The following PLBD1 variants were observed in gnomAD, a reference collection of about 807,000 sequenced individuals.
The protein encoded by PLBD1 is lysosomal leucine aminopeptidase.
PLBD1 carries 60 observed loss-of-function variants against 63.0 expected under a neutral mutation model. That is an observed-to-expected ratio of 0.95 (90% confidence interval 0.77 to 1.18). The LOEUF (loss-of-function observed/expected upper bound fraction) is 1.18. Among genes scored for constraint, PLBD1 ranks in the 50% most tolerant of loss-of-function variants. The pLI is 0.00. For synonymous variants in PLBD1, 262 were observed against 248.0 expected (o/e 1.06, Z -0.53); for missense variants, 598 against 677.9 (o/e 0.88, Z 1.31).
In PLBD1 at chr12:14,507,141, T is replaced by TA. The variant is rs749597913; in HGVS notation, c.1187-24dup. ...ATCCTGATTTGGAATGGAAGGGAAG[T>TA]AAGGGAGGGATTGACAGGGAAGGAG... On this transcript the variant is annotated intron_variant, in intron 8 of 10. Coordinates refer to ENST00000240617, the MANE Select transcript of PLBD1 (RefSeq NM_024829.6). 5 of 1,538,244 alleles carry TA rather than the reference T, an allele frequency of 3.3e-6. No individual in the cohort carries two copies. In the East Asian group the frequency reaches 1.1e-4, roughly 35 times the overall value.
chr12:14,541,631 A>G (rs546338130), intron 3 of PLBD1, among the ~76,000 whole-genome samples: 5 of 152,212 alleles, frequency 3.3e-5, no homozygotes, highest in African/African-American at 4.8e-5. Flanking sequence ...GACTTTAAGC[A>G]TTTCATGAAG....
intron 6 of PLBD1, among the ~76,000 whole-genome samples, chr12:14,526,989 GA>G (rs1945421471): frequency 6.6e-6 from 1 of 151,948 alleles, no homozygotes; most frequent in Non-Finnish European, 1.5e-5. Context: ...AAAGAAAAAA[GA>G]AAAACACCCA....
chr12:14,542,471 A>G lies in PLBD1; in HGVS notation c.336-180T>C, dbSNP rs569319258. 6.6e-5 allele frequency among the ~76,000 whole-genome samples: 10 copies of G among 152,316 alleles called. No individual in the cohort carries two copies. The South Asian group carries it at 2.1e-3, about 32-fold the overall frequency. ...TGGGAAATATTTACAACATATAGAA[A>G]AGGATAGAATATTGAAAACACCCCA... On this transcript the variant is annotated intron_variant, in intron 2 of 10. Coordinates refer to ENST00000240617, the MANE Select transcript of PLBD1 (RefSeq NM_024829.6).
At chr12:14,536,494 T>C in intron 5 of PLBD1, 76 bp downstream of exon 5, 1 of 1,495,370 alleles carries the variant, frequency 6.7e-7, no homozygotes, top group Non-Finnish European at 9.2e-7. Flanking sequence ...GGTGATGAGA[T>C]GTTGCTATAC....
chr12:14,566,253 C>T (rs891774364), intron 1 of PLBD1, among the ~76,000 whole-genome samples: 3 of 152,120 alleles, frequency 2.0e-5, no homozygotes, highest in Non-Finnish European at 2.9e-5. Flanking sequence ...CACAGAAAAT[C>T]ACGAGTCAGG....
chr12:14,545,550 A>G (rs960839317), intron 2 of PLBD1, among the ~76,000 whole-genome samples: 5 of 152,216 alleles, frequency 3.3e-5, no homozygotes, highest in Non-Finnish European at 7.3e-5. Flanking sequence ...TCTGGACTGA[A>G]TATTTACCTA....
intron 1 of PLBD1, among the ~76,000 whole-genome samples, chr12:14,564,311 A>G (rs919226438): frequency 5.3e-5 from 8 of 152,244 alleles, no homozygotes; most frequent in Non-Finnish European, 1.0e-4. Flanking sequence ...ATGTTCCAGG[A>G]TATTAAACTT....
chr12:14,536,740 T>A, intron 4 of PLBD1, 30 bp from the exon 5 acceptor site: 1 of 1,607,514 alleles, frequency 6.2e-7, no homozygotes, highest in East Asian at 2.2e-5. Flanking sequence ...GCACTTAACA[T>A]CGTTTTGTGA....
intron 1 of PLBD1, chr12:14,554,224 T>A (rs1413713344): frequency 6.6e-6 from 1 of 152,288 alleles, no homozygotes; most frequent in Admixed American, 6.6e-5. Context: ...ATCACGCCCA[T>A]CTCTCCATTC....
intron 8 of PLBD1, among the ~76,000 whole-genome samples, chr12:14,508,665 G>A (rs1242299667): frequency 6.6e-6 from 1 of 152,144 alleles, no homozygotes; most frequent in East Asian, 1.9e-4. Context: ...AGCTACTCGG[G>A]AGGCTGAGGC....
chr12:14,524,661 A>G (rs558108689), intron 6 of PLBD1, among the ~76,000 whole-genome samples: 9 of 152,202 alleles, frequency 5.9e-5, no homozygotes, highest in Non-Finnish European at 1.2e-4. Context: ...ATGTATATAC[A>G]TTGTGTAATG....
chr12:14,512,258 T>TAGAA (rs1945304106), intron 6 of PLBD1, among the ~76,000 whole-genome samples: 1 of 151,906 alleles, frequency 6.6e-6, no homozygotes, highest in Non-Finnish European at 1.5e-5. Context: ...AAGCAATTCT[T>TAGAA]GTGCCTCAGC....
chr12:14,507,997 C>T (rs1178500024), intron 8 of PLBD1, among the ~76,000 whole-genome samples: 3 of 152,168 alleles, frequency 2.0e-5, no homozygotes, highest in Admixed American at 1.3e-4. Flanking sequence ...CTGCCTTTCT[C>T]CTTTGTATTG....
intron 2 of PLBD1, among the ~76,000 whole-genome samples, chr12:14,544,144 T>C (rs953661818): frequency 1.3e-5 from 2 of 152,074 alleles, no homozygotes; most frequent in African/African-American, 4.8e-5. Flanking sequence ...TGCTGCATTA[T>C]AGCAATTTAA....
chr12:14,567,672 G>A lies in PLBD1; in HGVS notation c.25C>T (p.Arg9Cys), dbSNP rs1444315772. MTRGGPGG[R>C]PGLPQPPPLL... The stretch of plus-strand genomic sequence containing the variant: ...GGTGGCGGCTGTGGCAGCCCCGGGC[G>A]CCCGCCCGGACCGCCGCGGGTCATC... Residue 9 changes from arginine to cysteine, a missense_variant, in exon 1 of 11, where the codon CGC (arginine) becomes TGC (cysteine). Physicochemically the swap from Arg to Cys is radical, Grantham distance 180. Coordinates refer to ENST00000240617, the MANE Select transcript of PLBD1 (RefSeq NM_024829.6). 22 of 1,476,708 alleles carry A rather than the reference G, an allele frequency of 1.5e-5. No homozygotes were observed. Among genetic ancestry groups the A allele is most frequent in the Non-Finnish European group, 1.9e-5 (21 of 1,124,236 alleles). 91.5% of individuals were successfully genotyped at this position (1,476,708 alleles called of 1,614,324 possible). A position where few individuals can be genotyped will look rare whatever the true frequency, so the allele number is the denominator to read the frequency against.
At chr12:14,513,428 CA>C (rs1254748220) in intron 6 of PLBD1, among the ~76,000 whole-genome samples, 3 of 152,132 alleles carry the variant, frequency 2.0e-5, no homozygotes, top group Non-Finnish European at 4.4e-5. Context: ...TACTAATGTG[CA>C]AAAAATGTTT....
At position 14,557,370 on chromosome 12, in the gene PLBD1, T is replaced by C. The variant is rs568753187; in HGVS notation, c.116-3958A>G. Among the ~76,000 whole-genome samples, 4 of 152,266 alleles carry C rather than the reference T, an allele frequency of 2.6e-5. No individual in the cohort carries two copies. In the South Asian group the frequency reaches 6.2e-4, roughly 24 times the overall value. On this transcript the variant is annotated intron_variant, in intron 1 of 10. Transcript: ENST00000240617. ...AAAGACACATGCACACATATGTTCA[T>C]TGCAGCACTACTCACAATAGCAAAG...
In PLBD1 at chr12:14,563,829, C is replaced by G. The variant is rs1331442962; in HGVS notation, c.115+3753G>C. On this transcript the variant is annotated intron_variant, in intron 1 of 10. Transcript: ENST00000240617. ...TAGGGTTCCAAAGGATTTCCTCTTG[C>G]TGGAATTCTGTGTTACCTCTCTAAT... Among the ~76,000 whole-genome samples the G allele has an allele frequency of 3.3e-5, 5 of 152,164 alleles. 1 individual carries two copies. In the South Asian group the frequency reaches 1.0e-3, roughly 31 times the overall value.
Position 14,536,613 on chromosome 12 carries a change from A to G in PLBD1, c.656T>C (p.Val219Ala). The change falls in exon 5 of 11, where the codon GTT becomes GCT. Residue 219 changes from valine (V) to alanine (A), a missense_variant. By Grantham distance (64) the Val-to-Ala change is moderately conservative. Coordinates refer to ENST00000240617, the MANE Select transcript of PLBD1 (RefSeq NM_024829.6). ...ATGTCCCATGTCCCATCTCTTAAAA[A>G]CCTTTAGGCTGCCGTTTTTTGTGGG... Reference protein sequence around the residue: ...LSPTKNGSLKVFKRWDMGHCS... With the variant: ...LSPTKNGSLKAFKRWDMGHCS... The G allele has an allele frequency of 6.2e-7, 1 of 1,614,136 alleles. No homozygotes were observed. Among genetic ancestry groups the G allele is most frequent in the Non-Finnish European group, 8.5e-7 (1 of 1,180,028 alleles).
Sources: gnomAD v4.1 joint callset for allele counts (sites outside exome capture counted in the v4.1 genomes callset) on GRCh38, gnomAD v4.1.1 for gene constraint, MANE v1.5 for transcripts, NCBI Gene and HGNC (gene_info 2026-07-23, HGNC 2026-07-21) for gene names.